The following TADA2A variants were observed in gnomAD, a reference collection of about 807,000 sequenced individuals.
TADA2A encodes the protein transcriptional adaptor 2A.
A neutral mutation model predicts 67.4 loss-of-function variants in TADA2A; 38 were observed. The ratio of observed to expected loss-of-function variants is 0.56; its 90% CI spans 0.44 to 0.74. The LOEUF is 0.74. Among genes scored for constraint, TADA2A ranks in the 30% least tolerant of loss-of-function variants. The pLI, the probability that TADA2A is intolerant of heterozygous loss-of-function variation, is 0.00. For synonymous variants in TADA2A, 192 were observed against 181.6 expected, an observed-to-expected ratio of 1.06 and a Z score of -0.46; for missense variants, 454 against 547.0, an observed-to-expected ratio of 0.83 and a Z score of 1.70.
intron 4 of TADA2A, among the ~76,000 whole-genome samples, chr17:37,433,706 A>T (rs117937276): frequency 0.13 from 19,569 of 151,936 alleles, 1,416 homozygotes; most frequent in East Asian, 0.25. Context: ...TAATCCCAGC[A>T]TTTTGGGAGG....
chr17:37,410,999 A>C (rs1452277736), intron 1 of TADA2A, among the ~76,000 whole-genome samples: 3 of 152,212 alleles, frequency 2.0e-5, no homozygotes, highest in African/African-American at 7.2e-5. Flanking sequence ...CATAAAAAAG[A>C]AAAATATGTA....
At chr17:37,471,196 T>C in intron 14 of TADA2A, 59 bp downstream of exon 14, 4 of 1,554,396 alleles carry the variant, frequency 2.6e-6, no homozygotes, top group Non-Finnish European at 3.5e-6. Context: ...GTAGGGGTTA[T>C]AGTGACCCAG....
chr17:37,410,517 T>C (rs2051831763), intron 1 of TADA2A, among the ~76,000 whole-genome samples: 1 of 151,786 alleles, frequency 6.6e-6, no homozygotes, highest in Non-Finnish European at 1.5e-5. Flanking sequence ...AAATGTATGT[T>C]GTAATAGATA....
intron 2 of TADA2A, among the ~76,000 whole-genome samples, chr17:37,421,730 T>C (rs1371972253): frequency 6.8e-6 from 1 of 146,668 alleles, no homozygotes; most frequent in Non-Finnish European, 1.5e-5. Flanking sequence ...AGGTTGAGGC[T>C]GCATTGAGGC....
intron 4 of TADA2A, among the ~76,000 whole-genome samples, chr17:37,427,355 A>T (rs2052440357): frequency 6.6e-6 from 1 of 152,194 alleles, no homozygotes; most frequent in Non-Finnish European, 1.5e-5. Context: ...ATGTGTTGTC[A>T]CTGTGTGCTC....
At chr17:37,465,831 T>C (rs1235500986) in intron 11 of TADA2A, among the ~76,000 whole-genome samples, 3 of 152,150 alleles carry the variant, frequency 2.0e-5, no homozygotes, top group Non-Finnish European at 4.4e-5. Context: ...GATAATAATA[T>C]GATGAACTCC....
At chr17:37,437,592 G>T in intron 4 of TADA2A, 146 bp from the exon 5 acceptor site, 1 of 611,008 alleles carries the variant, frequency 1.6e-6, no homozygotes, top group Non-Finnish European at 2.9e-6. Context: ...TCACCATATT[G>T]GCCAGGCTGG....
Position 37,411,358 on chromosome 17 carries a change from A to T in TADA2A, c.-8A>T, listed in dbSNP as rs201818113. On this transcript the variant is annotated 5_prime_UTR_variant, in exon 2 of 16. Coordinates refer to ENST00000615182, the MANE Select transcript of TADA2A (RefSeq NM_001166105.3). ...AAGACCAAAGCAGCACTCGTTGCCA[A>T]TTAGGGAATGGACCGTTTGGGTTCC... 1.2e-6 allele frequency: 2 copies of T among 1,613,932 alleles called. No individual in the cohort carries two copies. The highest frequency in any genetic ancestry group is 4.5e-5 in the East Asian group (2 of 44,882).
intron 2 of TADA2A, among the ~76,000 whole-genome samples, chr17:37,414,174 C>A (rs2051967685): frequency 6.6e-6 from 1 of 151,916 alleles, no homozygotes; most frequent in African/African-American, 2.4e-5. Context: ...TATATATGTA[C>A]CGCATTTTCT....
chr17:37,420,008 C>A (rs2052182171), intron 2 of TADA2A, among the ~76,000 whole-genome samples: 1 of 123,952 alleles, frequency 8.1e-6, no homozygotes, highest in Non-Finnish European at 1.9e-5. Context: ...GAGCAAGACT[C>A]CGTCTCAAAA....
rs547289028 is a variant in TADA2A at position 37,419,393 on chromosome 17, C to T, written c.26-4116C>T. 1.4e-5 allele frequency among the ~76,000 whole-genome samples: 2 copies of T among 145,246 alleles called. 1 individual carries two copies. The highest frequency in any genetic ancestry group is 5.0e-5 in the African/African-American group (2 of 40,172). ...TTCACCATGTTCCCCAGGCTGGTCT[C>T]GAACTCCTGAGCTCAAGTGATCCAC... On this transcript the variant is annotated intron_variant, in intron 2 of 15. Coordinates refer to ENST00000615182, the MANE Select transcript of TADA2A (RefSeq NM_001166105.3).
chr17:37,455,355 AGTTTGTTTTTTT>A (rs1246436390), intron 8 of TADA2A, among the ~76,000 whole-genome samples: 5 of 142,972 alleles, frequency 3.5e-5, no homozygotes, highest in Non-Finnish European at 7.6e-5. Flanking sequence ...TTGCTTCTGA[AGTTTGTTTTTTT>A]GTTTGTTTGT....
chr17:37,469,782 C>A (rs969537740), intron 12 of TADA2A, among the ~76,000 whole-genome samples: 1 of 152,164 alleles, frequency 6.6e-6, no homozygotes, highest in Non-Finnish European at 1.5e-5. Context: ...TCTGTGGAAC[C>A]TAGTTTGAAT....
chr17:37,468,701 G>T lies in TADA2A; in HGVS notation c.895+1176G>T, dbSNP rs556945259. 6.0e-5 allele frequency among the ~76,000 whole-genome samples: 9 copies of T among 150,904 alleles called. No individual in the cohort carries two copies. The South Asian group carries it at 1.9e-3, about 32-fold the overall frequency. ...GTTTTAATTTTCTAAGGTTCTTAGA[G>T]TTAGTGTAAAGATTTAATTAGAGAT... On this transcript the variant is annotated intron_variant, in intron 12 of 15. Transcript: ENST00000615182.
chr17:37,441,018 C>T (rs551400285), intron 6 of TADA2A, among the ~76,000 whole-genome samples: 6 of 151,876 alleles, frequency 4.0e-5, no homozygotes, highest in East Asian at 1.9e-4. Context: ...TCACTTGAAC[C>T]GGGTAGGCGG....
chr17:37,450,506 C>T (rs1234736344), intron 8 of TADA2A: 1 of 152,226 alleles, frequency 6.6e-6, no homozygotes, highest in East Asian at 1.9e-4. Flanking sequence ...GAAGGAGCTG[C>T]CTCTGACTTC....
chr17:37,423,800 AGTACAGTGGT>A (rs1029100646), intron 3 of TADA2A, among the ~76,000 whole-genome samples, 185 bp downstream of exon 3: 21 of 143,086 alleles, frequency 1.5e-4, no homozygotes, highest in Non-Finnish European at 2.7e-4. Context: ...CCCAGGCTGG[AGTACAGTGGT>A]GTCATCTCTG....
intron 4 of TADA2A, among the ~76,000 whole-genome samples, chr17:37,434,709 G>T (rs577527130): frequency 1.3e-5 from 2 of 152,214 alleles, no homozygotes; most frequent in East Asian, 1.9e-4. Flanking sequence ...TCTTATTATT[G>T]TGTGGTCCCT....
At position 37,419,948 on chromosome 17, in the gene TADA2A, G is replaced by A. The variant is rs1436172145; in HGVS notation, c.26-3561G>A. ...AAGAATCGCCTGAATCCAGGAGGTG[G>A]AGCTTGCAGTGAGCTGAGATCGCGC... On this transcript the variant is annotated intron_variant, in intron 2 of 15. Coordinates refer to ENST00000615182, the MANE Select transcript of TADA2A (RefSeq NM_001166105.3). 2.1e-5 allele frequency among the ~76,000 whole-genome samples: 3 copies of A among 145,492 alleles called. 1 individual carries two copies. The highest frequency in any genetic ancestry group is 4.6e-5 in the Non-Finnish European group (3 of 65,434).
Sources: gnomAD v4.1 joint callset for allele counts (sites outside exome capture counted in the v4.1 genomes callset) on GRCh38, gnomAD v4.1.1 for gene constraint, MANE v1.5 for transcripts, NCBI Gene and HGNC (gene_info 2026-07-23, HGNC 2026-07-21) for gene names.